CREBBP: variants seen among roughly 807,000 people sequenced by gnomAD.
The protein encoded by CREBBP is CREB binding lysine acetyltransferase.
Under a neutral mutation model 265.0 loss-of-function variants are expected in CREBBP, and 19 were observed. The observed-to-expected ratio is 0.07, with a 90% confidence interval of 0.05 to 0.11. The LOEUF (loss-of-function observed/expected upper bound fraction) is 0.11, where lower values mean the gene tolerates loss of function less well. Ranked by LOEUF, CREBBP falls within the 10% of genes least tolerant of loss-of-function variation. CREBBP has a pLI of 1.00. For synonymous variants in CREBBP, 1,457 were observed against 1,223.7 expected (o/e 1.19, Z -3.98); for missense variants, 2,525 against 3,219.0 (o/e 0.78, Z 5.22).
At chr16:3,795,955 C>T (rs2053599592) in intron 3 of CREBBP, among the ~76,000 whole-genome samples, 1 of 152,182 alleles carries the variant, frequency 6.6e-6, no homozygotes, top group African/African-American at 2.4e-5. Context: ...TTGTCCAAAA[C>T]ATGTCTTTTA....
intron 24 of CREBBP, 61 bp from the exon 25 acceptor site, chr16:3,739,785 C>T: frequency 6.2e-7 from 1 of 1,611,022 alleles, no homozygotes; most frequent in South Asian, 1.1e-5. Context: ...TGCTTCTGCA[C>T]ACCAGGCCTG....
At chr16:3,876,144 T>C (rs954365245) in intron 1 of CREBBP, among the ~76,000 whole-genome samples, 1 of 151,904 alleles carries the variant, frequency 6.6e-6, no homozygotes, top group African/African-American at 2.4e-5. Context: ...GCTCAAGCGA[T>C]CCTCCTGCCA....
chr16:3,858,595 A>G (rs1411652606), intron 1 of CREBBP, among the ~76,000 whole-genome samples: 2 of 152,180 alleles, frequency 1.3e-5, no homozygotes, highest in African/African-American at 4.8e-5. Context: ...CACTCAATAA[A>G]CCCACGTGCT....
intron 2 of CREBBP, among the ~76,000 whole-genome samples, chr16:3,833,695 G>T (rs553247556): frequency 6.6e-6 from 1 of 152,042 alleles, no homozygotes; most frequent in African/African-American, 2.4e-5. Flanking sequence ...AAATGAAAAC[G>T]AGAAACTAAG....
At chr16:3,800,886 T>C (rs1297869975) in intron 3 of CREBBP, among the ~76,000 whole-genome samples, 3 of 152,146 alleles carry the variant, frequency 2.0e-5, no homozygotes, top group Non-Finnish European at 4.4e-5. Flanking sequence ...TAGGAACAAG[T>C]GTAAGGGCCA....
At chr16:3,877,093 C>G (rs941916200) in intron 1 of CREBBP, among the ~76,000 whole-genome samples, 6 of 152,198 alleles carry the variant, frequency 3.9e-5, no homozygotes, top group African/African-American at 1.4e-4. Context: ...AGGGCTCCTC[C>G]TCCTTTCAAC....
chr16:3,869,184 C>G (rs1056914047), intron 1 of CREBBP, among the ~76,000 whole-genome samples: 1 of 152,166 alleles, frequency 6.6e-6, no homozygotes, highest in African/African-American at 2.4e-5. Context: ...AAAACAGGCT[C>G]AGTCCCCATC....
chr16:3,762,536 A>G (rs746877463), intron 16 of CREBBP, among the ~76,000 whole-genome samples: 7 of 151,516 alleles, frequency 4.6e-5, no homozygotes, highest in Non-Finnish European at 8.8e-5. Flanking sequence ...AGAAGATCCC[A>G]TATGTGCAGA....
At position 3,731,053 on chromosome 16, in the gene CREBBP, G is replaced by T; in HGVS notation, c.5172+139C>A. The T allele has an allele frequency of 1.1e-6, 1 of 884,962 alleles. No individual in the cohort carries two copies. The highest frequency in any genetic ancestry group is 1.8e-6 in the Non-Finnish European group (1 of 553,920). The allele number at this position is 884,962 out of a possible 1,614,324, so 54.8% of individuals were successfully genotyped here. On this transcript the variant is annotated intron_variant, in intron 30 of 30. Transcript: ENST00000262367. The surrounding 1 kb of genome is among the most constrained non-coding windows in gnomAD (Gnocchi z 7.7). ...CACACACAGCAACGCCTTCTGCCTT[G>T]TGACGCTGTCCTAGTTCTGGAGGAG...
chr16:3,783,020 T>G, intron 5 of CREBBP, 94 bp from the exon 6 acceptor site: 1 of 1,497,186 alleles, frequency 6.7e-7, no homozygotes, highest in South Asian at 1.2e-5. Context: ...AGCAAATACA[T>G]TTCATCAAAA....
chr16:3,749,728 C>A (rs1261101223), intron 20 of CREBBP, 45 bp from the exon 21 acceptor site: 16 of 1,315,640 alleles, frequency 1.2e-5, no homozygotes, highest in Non-Finnish European at 1.7e-5. Flanking sequence ...TAAAATTTAT[C>A]TGTTGAGTAT....
In CREBBP at chr16:3,777,812, C is replaced by A. The variant is rs2053180180; in HGVS notation, c.2114-155G>T. The A allele has an allele frequency of 4.7e-6, 5 of 1,073,692 alleles. No individual in the cohort carries two copies. In the Admixed American group the frequency reaches 7.8e-5, roughly 17 times the overall value. 66.5% of individuals were successfully genotyped at this position (1,073,692 alleles called of 1,614,324 possible). On this transcript the variant is annotated intron_variant, in intron 10 of 30. Coordinates refer to ENST00000262367, the MANE Select transcript of CREBBP (RefSeq NM_004380.3). ...ACGTGTGTTCCAATGCCAGCGCACC[C>A]TGTAAAGGGCCTTCCCAAGAGAGAA...
chr16:3,844,807 C>CGAA, intron 2 of CREBBP, among the ~76,000 whole-genome samples: 1 of 152,128 alleles, frequency 6.6e-6, no homozygotes, highest in South Asian at 2.1e-4. Context: ...TTAAAATAGC[C>CGAA]AGTTAGATAA....
intron 1 of CREBBP, among the ~76,000 whole-genome samples, chr16:3,856,843 G>C (rs1046723202): frequency 1.1e-4 from 16 of 152,158 alleles, no homozygotes; most frequent in African/African-American, 3.4e-4. Flanking sequence ...GACCTAACTG[G>C]CTATTTTGAA....
At chr16:3,791,485 A>G (rs1246124507) in intron 5 of CREBBP, among the ~76,000 whole-genome samples, 2 of 152,202 alleles carry the variant, frequency 1.3e-5, no homozygotes, top group East Asian at 3.8e-4. Context: ...GGAAACCTTC[A>G]TAAATGTCTG....
At chr16:3,756,855 C>A (rs2052597535) in intron 19 of CREBBP, among the ~76,000 whole-genome samples, 1 of 152,174 alleles carries the variant, frequency 6.6e-6, no homozygotes, top group Non-Finnish European at 1.5e-5. Context: ...CAGACGCTTG[C>A]TTCTAGGGCT....
chr16:3,811,169 C>T (rs890176165), intron 2 of CREBBP, among the ~76,000 whole-genome samples: 52 of 152,142 alleles, frequency 3.4e-4, no homozygotes, highest in Admixed American at 7.9e-4. Context: ...CTGTTAGGTT[C>T]CCCATCAGAT....
At chr16:3,830,886 A>G (rs184767673) in intron 2 of CREBBP, among the ~76,000 whole-genome samples, 28 of 152,236 alleles carry the variant, frequency 1.8e-4, no homozygotes, top group Admixed American at 1.6e-3. Flanking sequence ...GGGTGAAGCG[A>G]TTTTTGTATC....
At chr16:3,737,782 T>C (rs1036479653) in intron 26 of CREBBP, among the ~76,000 whole-genome samples, 2 of 151,408 alleles carry the variant, frequency 1.3e-5, no homozygotes, top group African/African-American at 4.9e-5. Flanking sequence ...TCTTTTTTTC[T>C]TTTCTTTCTT....
Sources: allele counts gnomAD v4.1 joint callset (sites outside exome capture counted in the v4.1 genomes callset), GRCh38; gene constraint gnomAD v4.1.1; non-coding constraint Gnocchi (gnomAD v3.1); transcripts MANE v1.5; gene names NCBI Gene and HGNC (gene_info 2026-07-23, HGNC 2026-07-21).